Variants in RASSF3 observed in about 807,000 individuals in gnomAD.
The protein encoded by RASSF3 is Ras association domain family member 3.
Under a neutral mutation model 19.9 loss-of-function variants are expected in RASSF3, and 19 were observed. The observed-to-expected ratio is 0.96, with a 90% CI of 0.67 to 1.40. The LOEUF (loss-of-function observed/expected upper bound fraction) is 1.40, where lower values mean the gene tolerates loss of function less well. Among genes scored for constraint, RASSF3 ranks in the 40% most tolerant of loss-of-function variants. The pLI is 0.00. For missense variants in RASSF3, 306 were observed against 289.8 expected, an observed-to-expected ratio of 1.06 and a Z score of -0.41; for synonymous variants, 110 against 104.2, an observed-to-expected ratio of 1.06 and a Z score of -0.34.
downstream of RASSF3, among the ~76,000 whole-genome samples, chr12:64,541,864 T>C (rs1868939564): frequency 6.6e-6 from 1 of 152,220 alleles, no homozygotes; most frequent in Non-Finnish European, 1.5e-5. Flanking sequence ...TGCCGCCTGT[T>C]GCATCTGAAG....
At chr12:64,604,950 A>G (rs535485912) in intron 2 of RASSF3, among the ~76,000 whole-genome samples, 4 of 149,348 alleles carry the variant, frequency 2.7e-5, no homozygotes, top group South Asian at 4.3e-4. Context: ...ATCATCTTTG[A>G]GTTTGTCATA....
chr12:64,595,064 C>CTTTTTTTTTTTTTTTT (rs1171762487), intron 2 of RASSF3, among the ~76,000 whole-genome samples: 2 of 90,950 alleles, frequency 2.2e-5, no homozygotes, highest in Non-Finnish European at 4.0e-5. Flanking sequence ...CATATGAAAT[C>CTTTTTTTTTTTTTTTT]TTTTTTTTTT....
chr12:64,608,110 A>G (rs1238980959), upstream of RASSF3, among the ~76,000 whole-genome samples: 1 of 151,414 alleles, frequency 6.6e-6, no homozygotes, highest in African/African-American at 2.4e-5. Flanking sequence ...TTTAGAGAAA[A>G]GGTCTCACTA....
Position 64,696,118 on chromosome 12 carries a change from C to CCGCCCTCCCTCCCTCA in RASSF3, c.*1207_*1208insGCCCTCCCTCCCTCAC, listed in dbSNP as rs1868358175. The CCGCCCTCCCTCCCTCA allele has an allele frequency of 1.1e-5, 1 of 89,756 alleles. No individual in the cohort carries two copies. The highest frequency in any genetic ancestry group is 2.2e-5 in the Non-Finnish European group (1 of 45,828). The allele number at this position is 89,756 out of a possible 1,614,324, so 5.6% of individuals were successfully genotyped here. The stretch of plus-strand genomic sequence containing the variant: ...CCCTCCCTCCCTCCCTCCCTCCCTC[C>CCGCCCTCCCTCCCTCA]CTCCTTCCCTCCCTCTCTCTCCCTC... On this transcript the variant is annotated 3_prime_UTR_variant, in exon 5 of 5. Coordinates refer to ENST00000542104, the MANE Select transcript of RASSF3 (RefSeq NM_178169.4).
At chr12:64,639,073 C>T (rs539012644) in intron 1 of RASSF3, among the ~76,000 whole-genome samples, 1 of 152,202 alleles carries the variant, frequency 6.6e-6, no homozygotes, top group Non-Finnish European at 1.5e-5. Flanking sequence ...TACTGCCATA[C>T]GCAGATTCTT....
intron 1 of RASSF3, among the ~76,000 whole-genome samples, chr12:64,619,670 G>C (rs1870675867): frequency 1.3e-5 from 2 of 152,130 alleles, no homozygotes; most frequent in Non-Finnish European, 2.9e-5. Context: ...AATATAGTCA[G>C]CAAAGAGTTC....
intron 2 of RASSF3, among the ~76,000 whole-genome samples, chr12:64,579,197 G>C (rs1372788670): frequency 6.6e-6 from 1 of 152,004 alleles, no homozygotes; most frequent in African/African-American, 2.4e-5. Flanking sequence ...GTGTTAGAAA[G>C]TCTGCACCTT....
At chr12:64,654,063 C>T (rs1024006555) in intron 1 of RASSF3, 1 of 152,236 alleles carries the variant, frequency 6.6e-6, no homozygotes, top group Non-Finnish European at 1.5e-5. Flanking sequence ...CCTCTGTTCT[C>T]CCCACTCTGA....
intron 2 of RASSF3, among the ~76,000 whole-genome samples, chr12:64,595,386 C>G (rs763666314): frequency 6.6e-6 from 1 of 152,036 alleles, no homozygotes; most frequent in African/African-American, 2.4e-5. Flanking sequence ...ACAAATCTTA[C>G]AAAACAACTC....
intron 1 of RASSF3, among the ~76,000 whole-genome samples, chr12:64,646,185 C>G (rs940188575): frequency 1.3e-5 from 2 of 152,074 alleles, no homozygotes; most frequent in African/African-American, 4.8e-5. Context: ...AGAACGTGTC[C>G]TTTGGTGGAC....
upstream of RASSF3, among the ~76,000 whole-genome samples, chr12:64,531,377 T>C (rs953594805): frequency 6.6e-6 from 1 of 152,250 alleles, no homozygotes; most frequent in African/African-American, 2.4e-5. Context: ...TGTGTGAGTT[T>C]ATTTCTGAAC....
At chr12:64,673,413 G>A (rs1480577654) in intron 1 of RASSF3, among the ~76,000 whole-genome samples, 2 of 152,052 alleles carry the variant, frequency 1.3e-5, no homozygotes. Context: ...TATTGTTTGG[G>A]GTAGTGTTGT....
chr12:64,648,196 A>T (rs1871808234), intron 1 of RASSF3, among the ~76,000 whole-genome samples: 2 of 152,226 alleles, frequency 1.3e-5, no homozygotes, highest in African/African-American at 4.8e-5. Flanking sequence ...CTTAGTGAGT[A>T]GGTGGCCCCA....
chr12:64,636,456 C>T lies in RASSF3; in HGVS notation c.111+25713C>T, dbSNP rs763262131. Among the ~76,000 whole-genome samples, 9 of 152,058 alleles carry T rather than the reference C, an allele frequency of 5.9e-5. No individual in the cohort carries two copies. The South Asian group carries it at 8.3e-4, about 14-fold the overall frequency. On this transcript the variant is annotated intron_variant, in intron 1 of 4. Coordinates refer to ENST00000542104, the MANE Select transcript of RASSF3 (RefSeq NM_178169.4). ...AAAGCAGTCTGTTATTAGTAGGCTT[C>T]GGAAATTTGTTTCAGGGAGTGGTAA...
intron 1 of RASSF3, among the ~76,000 whole-genome samples, chr12:64,658,942 C>T (rs1320704323): frequency 1.3e-5 from 2 of 152,132 alleles, no homozygotes; most frequent in African/African-American, 4.8e-5. Context: ...TGGTGATGTA[C>T]ACCTGTAGTC....
chr12:64,586,302 C>T (rs538270510), intron 2 of RASSF3, among the ~76,000 whole-genome samples: 40 of 148,888 alleles, frequency 2.7e-4, no homozygotes, highest in African/African-American at 9.7e-4. Context: ...CCAGCCTGGG[C>T]GACAGTGTGA....
At chr12:64,521,338 T>A (rs568258298) in intron 1 of RASSF3, among the ~76,000 whole-genome samples, 1 of 152,284 alleles carries the variant, frequency 6.6e-6, no homozygotes, top group South Asian at 2.1e-4. Context: ...AGGCCCAAAG[T>A]TCCTCTTGTG....
At chr12:64,620,357 G>C (rs1870710402) in intron 1 of RASSF3, among the ~76,000 whole-genome samples, 2 of 152,084 alleles carry the variant, frequency 1.3e-5, no homozygotes, top group South Asian at 4.1e-4. Context: ...ATAGACATTA[G>C]GATTGCTTCC....
intron 2 of RASSF3, among the ~76,000 whole-genome samples, chr12:64,591,653 T>A (rs972920551): frequency 6.6e-6 from 1 of 152,242 alleles, no homozygotes; most frequent in African/African-American, 2.4e-5. Context: ...TTTCCTTTTT[T>A]ATTTTTGAGC....
Sources: gnomAD v4.1 joint callset for allele counts (sites outside exome capture counted in the v4.1 genomes callset) on GRCh38, gnomAD v4.1.1 for gene constraint, MANE v1.5 for transcripts, NCBI Gene and HGNC (gene_info 2026-07-23, HGNC 2026-07-21) for gene names.